Variants in TRPM5 observed in about 807,000 individuals in gnomAD.
The protein encoded by TRPM5 is MLSN1 and TRP-related.
A neutral mutation model predicts 124.9 loss-of-function variants in TRPM5; 121 were observed. That is an observed-to-expected ratio of 0.97 (90% CI 0.84 to 1.13). The LOEUF is 1.13. Ranked by LOEUF, TRPM5 falls within the 50% of genes most tolerant of loss-of-function variation. The pLI, the probability that TRPM5 is intolerant of heterozygous loss-of-function variation, is 0.00. For synonymous variants in TRPM5, 781 were observed against 700.5 expected, an observed-to-expected ratio of 1.11 and a Z score of -1.81; for missense variants, 1,643 against 1,589.1, an observed-to-expected ratio of 1.03 and a Z score of -0.58.
the TRPM5 span, among the ~76,000 whole-genome samples, chr11:2,431,684 G>A: frequency 6.6e-6 from 1 of 152,024 alleles, no homozygotes; most frequent in African/African-American, 2.4e-5. Context: ...CTCTTCCTTG[G>A]AGCTCCTGCT....
At chr11:2,413,955 G>C (rs11602077) in intron 12 of TRPM5, 106 bp downstream of exon 17, 5 of 1,456,232 alleles carry the variant, frequency 3.4e-6, no homozygotes, top group Admixed American at 2.0e-5. Context: ...TGCTGAGGAC[G>C]GGAGTGACAG....
chr11:2,442,334 C>T, the TRPM5 span, among the ~76,000 whole-genome samples: 1 of 151,062 alleles, frequency 6.6e-6, no homozygotes, highest in African/African-American at 2.4e-5. This position sits in a 1 kb window ranked among gnomAD's most constrained non-coding sequence, Gnocchi z 5.9. Flanking sequence ...CACTTTTATA[C>T]TGAAAATCTT....
In TRPM5 at chr11:2,405,139, C is replaced by T. The variant is rs572826584; in HGVS notation, c.3392-96G>A. 72 of 1,050,724 alleles carry T rather than the reference C, an allele frequency of 6.9e-5. No individual in the cohort carries two copies. The East Asian group carries it at 9.6e-4, about 14-fold the overall frequency. The allele number at this position is 1,050,724 out of a possible 1,614,324, so 65.1% of individuals were successfully genotyped here. A position where few individuals can be genotyped will look rare whatever the true frequency, so the allele number is the denominator to read the frequency against. ...GGCTCAGAGGCAAGGGCCAGGACGCCGTGGCTCTCAGAGTGAGTCCCCACA... is the reference window on the plus strand; with the variant it reads ...GGCTCAGAGGCAAGGGCCAGGACGCTGTGGCTCTCAGAGTGAGTCCCCACA... On this transcript the variant is annotated intron_variant, in intron 23 of 23. Coordinates refer to ENST00000155858, the Ensembl canonical transcript of TRPM5.
At chr11:2,407,146 CCTT>C (rs749584595) in exon 20 of TRPM5, 24 of 1,607,836 alleles carry the variant, frequency 1.5e-5, no homozygotes, top group African/African-American at 1.3e-4. Context: ...TGCTCAGCCT[CCTT>C]CTTGAAGACC....
chr11:2,405,331 AT>A (rs1210874050), intron 23 of TRPM5, among the ~76,000 whole-genome samples, 195 bp downstream of exon 28: 1 of 152,226 alleles, frequency 6.6e-6, no homozygotes, highest in African/African-American at 2.4e-5. Flanking sequence ...AGTGAAGCAC[AT>A]TCGGCCCTGG....
chr11:2,432,318 G>A, the TRPM5 span, among the ~76,000 whole-genome samples: 11 of 152,316 alleles, frequency 7.2e-5, no homozygotes, highest in South Asian at 1.7e-3. Flanking sequence ...CAGGCTTTAC[G>A]TTGGAACTTC....
intron 18 of TRPM5, 111 bp from the exon 24 acceptor site, chr11:2,408,023 G>T: frequency 7.2e-7 from 1 of 1,395,354 alleles, no homozygotes; most frequent in Non-Finnish European, 9.7e-7. Flanking sequence ...CAGGGGACGG[G>T]GTGCTGGTTG....
chr11:2,415,596 C>T, intron 8 of TRPM5, 125 bp from the exon 14 acceptor site: 1 of 704,166 alleles, frequency 1.4e-6, no homozygotes, highest in Non-Finnish European at 2.3e-6. Flanking sequence ...GTCACGCAGA[C>T]CCTCTCGCTC....
chr11:2,438,461 TC>T, the TRPM5 span, among the ~76,000 whole-genome samples: 1 of 152,076 alleles, frequency 6.6e-6, no homozygotes, highest in East Asian at 1.9e-4. The surrounding 1 kb of genome is among the most constrained non-coding windows in gnomAD (Gnocchi z 5.9). Flanking sequence ...ATCCAGGAGT[TC>T]GAGACCAGCC....
chr11:2,417,824 C>A, exon 7 of TRPM5: 1 of 1,571,840 alleles, frequency 6.4e-7, no homozygotes, highest in Non-Finnish European at 8.6e-7. Flanking sequence ...AGGTGATGTT[C>A]TGCAGCTGGG....
At chr11:2,427,737 T>A (rs1045379505), upstream of TRPM5, among the ~76,000 whole-genome samples, 2 of 152,232 alleles carry the variant, frequency 1.3e-5, no homozygotes, top group Non-Finnish European at 2.9e-5. Flanking sequence ...CCGGGACCGA[T>A]GCAGCTGAAA....
At chr11:2,438,053 G>A in the TRPM5 span, among the ~76,000 whole-genome samples, 9 of 152,240 alleles carry the variant, frequency 5.9e-5, 1 homozygote, top group Admixed American at 3.9e-4. The surrounding 1 kb of genome is among the most constrained non-coding windows in gnomAD (Gnocchi z 5.9). Context: ...ATCAATAAAT[G>A]TGGTTTGTCA....
At chr11:2,409,869 A>G (rs1850409148) in intron 18 of TRPM5, among the ~76,000 whole-genome samples, 1 of 152,176 alleles carries the variant, frequency 6.6e-6, no homozygotes, top group Non-Finnish European at 1.5e-5. Context: ...CACTCGGAGC[A>G]GGGGCCCCTC....
At chr11:2,407,980 C>T (rs1850358356) in intron 18 of TRPM5, 68 bp from the exon 24 acceptor site, 1 of 1,574,024 alleles carries the variant, frequency 6.4e-7, no homozygotes, top group South Asian at 1.2e-5. Flanking sequence ...GGCAAATGCC[C>T]CGAGATAGAG....
At chr11:2,418,427 G>A (rs1046612678) in intron 5 of TRPM5, 69 bp from the exon 11 acceptor site, 4 of 1,501,342 alleles carry the variant, frequency 2.7e-6, no homozygotes, top group East Asian at 5.1e-5. Context: ...AGGTGTCAGG[G>A]GTGCCCCCAT....
the TRPM5 span, among the ~76,000 whole-genome samples, chr11:2,440,778 G>A: frequency 3.9e-5 from 6 of 152,256 alleles, no homozygotes; most frequent in Admixed American, 2.6e-4. This position sits in a 1 kb window ranked among gnomAD's most constrained non-coding sequence, Gnocchi z 5.2. Context: ...GAATGAATAG[G>A]TAGGAAGACT....
rs767579143 is a variant in TRPM5 at position 2,405,599 on chromosome 11, G to C, written c.3325-6C>G. 1 of 1,559,504 alleles carries C rather than the reference G, an allele frequency of 6.4e-7. No homozygotes were observed. The highest frequency in any genetic ancestry group is 1.2e-5 in the South Asian group (1 of 84,666). ...AGCACCGAGCAGTAGTTGATCTGGA[G>C]AAGGGAAACACGTCCGGGAAGCTCC... On this transcript the variant is annotated splice_polypyrimidine_tract_variant and splice_region_variant and intron_variant, in intron 22 of 23. Transcript: ENST00000155858.
chr11:2,415,127 C>A, exon 9 of TRPM5: 1 of 1,567,930 alleles, frequency 6.4e-7, no homozygotes, highest in Non-Finnish European at 8.6e-7. Context: ...TCACCGCCCT[C>A]CTGCGGTCCC....
Position 2,418,384 on chromosome 11 carries a change from G to A in TRPM5, c.715-26C>T, listed in dbSNP as rs199728713. On this transcript the variant is annotated intron_variant, in intron 5 of 23. Transcript: ENST00000155858. ...CTGAGACGGGGAGGGAGGGGAGAGC[G>A]GACCCCAGATTAGCCCGACGACATC... 701 of 1,538,326 alleles carry A rather than the reference G, an allele frequency of 4.6e-4. 1 individual carries two copies. In the African/African-American group the frequency reaches 8.1e-3, roughly 18 times the overall value.
Sources: gnomAD v4.1 joint callset for allele counts (sites outside exome capture counted in the v4.1 genomes callset) on GRCh38, gnomAD v4.1.1 for gene constraint, Gnocchi (gnomAD v3.1) non-coding constraint, MANE v1.5 for transcripts, NCBI Gene and HGNC (gene_info 2026-07-23, HGNC 2026-07-21) for gene names.